The following GRM5 variants were observed in gnomAD, a reference collection of about 807,000 sequenced individuals.
The protein encoded by GRM5 is metabotropic glutamate receptor 5.
A neutral mutation model predicts 83.1 loss-of-function variants in GRM5; 19 were observed. That is an observed-to-expected ratio of 0.23 (90% confidence interval 0.16 to 0.34). The LOEUF (loss-of-function observed/expected upper bound fraction) is 0.34. Ranked by LOEUF, GRM5 falls within the 10% of genes least tolerant of loss-of-function variation. GRM5 has a pLI of 1.00. For missense variants in GRM5, 1,160 were observed against 1,588.3 expected, an observed-to-expected ratio of 0.73 and a Z score of 4.58; for synonymous variants, 675 against 633.6, an observed-to-expected ratio of 1.07 and a Z score of -0.98.
At chr11:89,003,081 AAATGG>A (rs1398312735) in intron 2 of GRM5, among the ~76,000 whole-genome samples, 4 of 152,168 alleles carry the variant, frequency 2.6e-5, no homozygotes, top group Admixed American at 2.6e-4. Context: ...AAAACATGTT[AAATGG>A]AAGAACTTAC....
At chr11:88,655,527 T>A (rs1939744540) in intron 3 of GRM5, among the ~76,000 whole-genome samples, 1 of 152,152 alleles carries the variant, frequency 6.6e-6, no homozygotes, top group Admixed American at 6.6e-5. Flanking sequence ...GGCTCCAATT[T>A]ACCCTTCACA....
intron 3 of GRM5, among the ~76,000 whole-genome samples, chr11:88,798,137 A>C (rs143454314): frequency 3.5e-4 from 53 of 152,262 alleles, no homozygotes; most frequent in African/African-American, 1.2e-3. Flanking sequence ...TCAATTTCTA[A>C]TGGAAATTAT....
At chr11:88,951,109 G>C (rs947509630) in intron 2 of GRM5, among the ~76,000 whole-genome samples, 3 of 152,140 alleles carry the variant, frequency 2.0e-5, no homozygotes, top group Admixed American at 6.5e-5. Flanking sequence ...GTGTGTGACA[G>C]AGAGTATATG....
At chr11:88,839,855 A>G (rs1944164434) in intron 3 of GRM5, among the ~76,000 whole-genome samples, 1 of 151,844 alleles carries the variant, frequency 6.6e-6, no homozygotes, top group African/African-American at 2.4e-5. Context: ...TGTATGTGGT[A>G]TGCATTATAT....
At chr11:89,002,972 CCAT>C (rs1940427323) in intron 2 of GRM5, among the ~76,000 whole-genome samples, 1 of 145,966 alleles carries the variant, frequency 6.9e-6, no homozygotes, top group African/African-American at 2.4e-5. Context: ...TTCTTAGTGT[CCAT>C]CTTTACATTT....
intron 4 of GRM5, among the ~76,000 whole-genome samples, chr11:88,620,289 C>T (rs909242764): frequency 2.0e-5 from 3 of 152,190 alleles, no homozygotes; most frequent in Non-Finnish European, 4.4e-5. Context: ...TCCATTTCTT[C>T]ATTTTGCATT....
chr11:88,596,064 A>G (rs1937796124), intron 6 of GRM5, among the ~76,000 whole-genome samples: 2 of 152,276 alleles, frequency 1.3e-5, no homozygotes, highest in African/African-American at 4.8e-5. Context: ...CATGCCCACA[A>G]ACTAACCAAT....
intron 3 of GRM5, among the ~76,000 whole-genome samples, chr11:88,679,572 T>C (rs1032474197): frequency 6.6e-6 from 1 of 152,150 alleles, no homozygotes; most frequent in Non-Finnish European, 1.5e-5. Flanking sequence ...TTGGATTTTA[T>C]TGCCTTGTAT....
intron 2 of GRM5, among the ~76,000 whole-genome samples, chr11:88,900,941 A>C (rs571264043): frequency 6.6e-6 from 1 of 152,286 alleles, no homozygotes; most frequent in East Asian, 1.9e-4. Flanking sequence ...AGTATTGCCA[A>C]CTACAACTTC....
intron 2 of GRM5, among the ~76,000 whole-genome samples, chr11:88,870,798 A>G (rs1565269855): frequency 6.6e-6 from 1 of 151,544 alleles, no homozygotes; most frequent in Non-Finnish European, 1.5e-5. Context: ...ACGTGTAAAA[A>G]TGAGAGGTAA....
chr11:89,052,542 A>G (rs575226157), intron 1 of GRM5, among the ~76,000 whole-genome samples: 19 of 152,268 alleles, frequency 1.2e-4, no homozygotes, highest in Middle Eastern at 3.4e-3. Context: ...CTATACACTG[A>G]AGATTTCTGA....
At chr11:88,891,202 G>T (rs1945138788) in intron 2 of GRM5, among the ~76,000 whole-genome samples, 1 of 152,016 alleles carries the variant, frequency 6.6e-6, no homozygotes, top group African/African-American at 2.4e-5. Flanking sequence ...ATCAAATTGG[G>T]GTTAACATTA....
intron 3 of GRM5, among the ~76,000 whole-genome samples, chr11:88,667,263 C>A (rs116279194): frequency 0.01 from 1,534 of 152,054 alleles, 16 homozygotes; most frequent in East Asian, 0.068. Context: ...ATGAAAACAT[C>A]TAAGTCAGAT....
intron 4 of GRM5, among the ~76,000 whole-genome samples, chr11:88,612,352 T>G (rs1284552172): frequency 2.0e-5 from 3 of 150,672 alleles, no homozygotes; most frequent in South Asian, 2.1e-4. Flanking sequence ...CACATTTTCT[T>G]AATCCAGTCT....
chr11:88,824,640 C>G (rs1943862777), intron 3 of GRM5, among the ~76,000 whole-genome samples: 1 of 152,122 alleles, frequency 6.6e-6, no homozygotes, highest in African/African-American at 2.4e-5. Context: ...GTTTTACGCT[C>G]CTATGAGAAT....
intron 2 of GRM5, among the ~76,000 whole-genome samples, chr11:89,013,224 A>AT (rs1439417314): frequency 7.9e-5 from 12 of 152,034 alleles, no homozygotes; most frequent in African/African-American, 2.9e-4. Context: ...CATATGTGTT[A>AT]TTTTTCTGCA....
At chr11:88,924,685 G>A (rs1945755982) in intron 2 of GRM5, among the ~76,000 whole-genome samples, 1 of 151,866 alleles carries the variant, frequency 6.6e-6, no homozygotes, top group Admixed American at 6.6e-5. Context: ...AGTCAAAAAT[G>A]TACAAACTTG....
At chr11:88,790,637 G>GGA (rs1174319574) in intron 3 of GRM5, among the ~76,000 whole-genome samples, 1 of 152,102 alleles carries the variant, frequency 6.6e-6, no homozygotes, top group Non-Finnish European at 1.5e-5. Flanking sequence ...CAGGATAGTA[G>GGA]GAGAGGACAG....
chr11:89,000,305 G>A (rs1940335154), intron 2 of GRM5, among the ~76,000 whole-genome samples: 1 of 151,908 alleles, frequency 6.6e-6, no homozygotes, highest in African/African-American at 2.4e-5. Flanking sequence ...CAGTCTCCCT[G>A]GTTTCAAGTT....
Sources: allele counts gnomAD v4.1 joint callset (sites outside exome capture counted in the v4.1 genomes callset), GRCh38; gene constraint gnomAD v4.1.1; transcripts MANE v1.5; gene names NCBI Gene and HGNC (gene_info 2026-07-23, HGNC 2026-07-21).